Variants in ACER1 observed in about 807,000 individuals in gnomAD.
ACER1 encodes the protein alkaline ceramidase 1.
ACER1 carries 28 observed loss-of-function variants against 24.9 expected under a neutral mutation model. The ratio of observed to expected loss-of-function variants is 1.13; its 90% CI spans 0.83 to 1.54. The LOEUF is 1.54. Among genes scored for constraint, ACER1 ranks in the 40% most tolerant of loss-of-function variants. ACER1 has a pLI of 0.00. For missense variants in ACER1, 352 were observed against 349.3 expected (o/e 1.01, Z -0.06); for synonymous variants, 132 against 131.4 (o/e 1.00, Z -0.03).
chr19:6,356,717 G>A, the ACER1 span, among the ~76,000 whole-genome samples: 2 of 141,826 alleles, frequency 1.4e-5, no homozygotes, highest in Admixed American at 6.9e-5. Context: ...AAATCATACT[G>A]CATGTAAAAA....
chr19:6,356,476 TA>T, the ACER1 span, among the ~76,000 whole-genome samples: 4 of 149,064 alleles, frequency 2.7e-5, no homozygotes, highest in Non-Finnish European at 5.9e-5. Context: ...AATAAAAAAA[TA>T]AATAAAATAA....
chr19:6,346,010 G>A, the ACER1 span, among the ~76,000 whole-genome samples: 20 of 152,166 alleles, frequency 1.3e-4, no homozygotes, highest in African/African-American at 4.1e-4. Context: ...TTCCAGGCGT[G>A]AGCCACTGTG....
intron 4 of ACER1, 21 bp from the exon 5 acceptor site, chr19:6,307,311 C>G: frequency 6.2e-7 from 1 of 1,612,874 alleles, no homozygotes; most frequent in Non-Finnish European, 8.5e-7. Context: ...GAGAGGGGGA[C>G]CAGGGGCTGG....
intron 1 of ACER1, among the ~76,000 whole-genome samples, chr19:6,324,401 G>T (rs984657924): frequency 6.6e-6 from 1 of 151,856 alleles, no homozygotes; most frequent in Non-Finnish European, 1.5e-5. Context: ...CTGGAGTGCA[G>T]TGAAGTGATC....
Position 6,312,290 on chromosome 19 carries a change from C to G in ACER1, c.209G>C (p.Gly70Ala). 1 of 1,614,014 alleles carries G rather than the reference C, an allele frequency of 6.2e-7. No homozygotes were observed. Among genetic ancestry groups the G allele is most frequent in the Non-Finnish European group, 8.5e-7 (1 of 1,179,954 alleles). ...CATGTGGAAATACATGGAGAACAGG[C>G]CTGCAGCGGCAAGGGCAGGCGGTCA... is the stretch of plus-strand genomic sequence containing the variant. ...YVVWVLFMII[G>A]LFSMYFHMTL... is the part of the protein sequence containing the mutation. The change falls in exon 3 of 6, where the codon GGC (glycine) becomes GCC (alanine). Residue 70 changes from glycine (G) to alanine (A), a missense_variant and splice_region_variant. Gly to Ala is a moderately conservative substitution (Grantham distance 60). Transcript: ENST00000301452.
the ACER1 span, among the ~76,000 whole-genome samples, chr19:6,351,696 G>A: frequency 7.2e-6 from 1 of 138,596 alleles, no homozygotes; most frequent in Non-Finnish European, 1.5e-5. Flanking sequence ...TTGCGCTACT[G>A]CACTCCAGCC....
chr19:6,329,753 C>T (rs1190087615), intron 1 of ACER1, among the ~76,000 whole-genome samples: 7 of 152,004 alleles, frequency 4.6e-5, no homozygotes, highest in Admixed American at 3.9e-4. Context: ...TTGCCCAGGC[C>T]GGAATACGGT....
the ACER1 span, among the ~76,000 whole-genome samples, chr19:6,346,220 T>C: frequency 3.3e-5 from 5 of 152,128 alleles, no homozygotes; most frequent in Non-Finnish European, 7.3e-5. Context: ...AAATTCAAAT[T>C]TAAATGAGCC....
At chr19:6,307,014 C>T in intron 5 of ACER1, 132 bp from the exon 6 acceptor site, 1 of 1,490,312 alleles carries the variant, frequency 6.7e-7, no homozygotes, top group Non-Finnish European at 9.0e-7. Flanking sequence ...TGACTGCAGC[C>T]TTCCCCTACC....
the ACER1 span, among the ~76,000 whole-genome samples, chr19:6,350,281 C>T: frequency 1.3e-5 from 2 of 152,100 alleles, no homozygotes; most frequent in African/African-American, 4.8e-5. Context: ...TCCTGGCCAA[C>T]ATGGTGAAAC....
chr19:6,355,655 C>T, the ACER1 span, among the ~76,000 whole-genome samples: 1,282 of 141,708 alleles, frequency 9.0e-3, 20 homozygotes, highest in Non-Finnish European at 0.012. Context: ...CCAGCCGCCC[C>T]GTCCGGGAGG....
the ACER1 span, among the ~76,000 whole-genome samples, chr19:6,356,481 A>T: frequency 4.2e-5 from 6 of 143,078 alleles, no homozygotes; most frequent in Middle Eastern, 3.4e-3. Flanking sequence ...AAAAATAAAT[A>T]AAATAAATAA....
chr19:6,319,242 A>T (rs896716002), intron 1 of ACER1, among the ~76,000 whole-genome samples: 5 of 152,104 alleles, frequency 3.3e-5, no homozygotes, highest in African/African-American at 4.8e-5. Context: ...GTGGGTGGAG[A>T]TACTGACTAA....
the ACER1 span, among the ~76,000 whole-genome samples, chr19:6,356,073 A>G: frequency 1.6e-3 from 241 of 150,516 alleles, 2 homozygotes; most frequent in African/African-American, 1.9e-3. Flanking sequence ...GATGGTTGCC[A>G]TGTCTGTGTA....
chr19:6,342,300 T>C, the ACER1 span, among the ~76,000 whole-genome samples: 8,307 of 148,206 alleles, frequency 0.056, 396 homozygotes, highest in African/African-American at 0.13. Context: ...TTCACTCTGT[T>C]GCCCAGGCTG....
chr19:6,344,845 A>G, the ACER1 span, among the ~76,000 whole-genome samples: 1 of 151,364 alleles, frequency 6.6e-6, no homozygotes, highest in South Asian at 2.1e-4. Context: ...ATTTTATTTT[A>G]TTTTATTTTA....
intron 1 of ACER1, among the ~76,000 whole-genome samples, chr19:6,313,411 C>T (rs1364487085): frequency 6.6e-6 from 1 of 152,208 alleles, no homozygotes; most frequent in Non-Finnish European, 1.5e-5. Context: ...AACCACTGCA[C>T]CCAGCCCCTT....
chr19:6,340,335 GGAAGGAAGGAAGGAAGGAAGGAAGGAA>G, the ACER1 span, among the ~76,000 whole-genome samples: 2 of 139,886 alleles, frequency 1.4e-5, no homozygotes, highest in Non-Finnish European at 3.1e-5. Context: ...AAGGAAGGAA[GGAAGGAAGGAAGGAAGGAAGGAAGGAA>G]GGAAGGAAGG....
chr19:6,313,706 C>T (rs2091591575), intron 1 of ACER1, among the ~76,000 whole-genome samples: 1 of 152,222 alleles, frequency 6.6e-6, no homozygotes. Context: ...CGATGCAGTA[C>T]CTTTTTGACA....
Sources: gnomAD v4.1 joint callset for allele counts (sites outside exome capture counted in the v4.1 genomes callset) on GRCh38, gnomAD v4.1.1 for gene constraint, MANE v1.5 for transcripts, NCBI Gene and HGNC (gene_info 2026-07-23, HGNC 2026-07-21) for gene names.